GPC6: variants seen among roughly 807,000 people sequenced by gnomAD.
GPC6 encodes glypican-6.
A neutral mutation model predicts 55.2 loss-of-function variants in GPC6; 14 were observed. That is an observed-to-expected ratio of 0.25 (90% CI 0.17 to 0.40). The LOEUF (loss-of-function observed/expected upper bound fraction) is 0.40. Ranked by LOEUF, GPC6 falls within the 10% of genes least tolerant of loss-of-function variation. The pLI is 1.00. For missense variants in GPC6, 641 were observed against 708.5 expected, an observed-to-expected ratio of 0.90 and a Z score of 1.08; for synonymous variants, 278 against 259.6, an observed-to-expected ratio of 1.07 and a Z score of -0.68.
Position 93,726,872 on chromosome 13 carries a change from A to C in GPC6, c.320-103282A>C, listed in dbSNP as rs570883953. On this transcript the variant is annotated intron_variant, in intron 2 of 8. Transcript: ENST00000377047. ...TTGGGCTGATGGCCTCCTCATTAGC[A>C]TGCTCAGTGTAAGGGATGCCCAAAT... Among the ~76,000 whole-genome samples, 333 of 152,222 alleles carry C rather than the reference A, an allele frequency of 2.2e-3. 2 individuals are homozygous for C. The highest frequency in any genetic ancestry group is 7.2e-3 in the African/African-American group (298 of 41,544).
chr13:94,194,178 A>G (rs555217343), intron 4 of GPC6, among the ~76,000 whole-genome samples: 2 of 152,304 alleles, frequency 1.3e-5, no homozygotes, highest in East Asian at 3.9e-4. Flanking sequence ...TCATACATGT[A>G]CATATTTATT....
chr13:94,379,934 C>T (rs756852348), intron 6 of GPC6, among the ~76,000 whole-genome samples: 20 of 152,246 alleles, frequency 1.3e-4, no homozygotes, highest in Non-Finnish European at 2.8e-4. Flanking sequence ...GAGGGCATAG[C>T]GCAGCGCAGA....
intron 1 of GPC6, among the ~76,000 whole-genome samples, chr13:93,509,239 C>G (rs1461683498): frequency 6.6e-6 from 1 of 152,164 alleles, no homozygotes; most frequent in Non-Finnish European, 1.5e-5. Context: ...TTATTGATGG[C>G]CATTTTATCA....
intron 4 of GPC6, chr13:94,187,751 A>G (rs1889253350): frequency 6.6e-6 from 1 of 152,256 alleles, no homozygotes. Context: ...AAATAAGATA[A>G]GAAAACTTTA....
intron 1 of GPC6, among the ~76,000 whole-genome samples, chr13:93,392,170 T>C (rs1467301856): frequency 6.6e-6 from 1 of 152,204 alleles, no homozygotes; most frequent in Non-Finnish European, 1.5e-5. Flanking sequence ...ATTAAGCTGA[T>C]AACTAAATGT....
At chr13:94,154,430 TAAC>T (rs1887855074) in intron 4 of GPC6, 1 of 152,188 alleles carries the variant, frequency 6.6e-6, no homozygotes, top group South Asian at 2.1e-4. Context: ...ACATGGAAGT[TAAC>T]AAGAGCAGTG....
intron 3 of GPC6, among the ~76,000 whole-genome samples, chr13:93,874,475 G>T (rs937236624): frequency 6.6e-6 from 1 of 151,410 alleles, no homozygotes; most frequent in Admixed American, 6.6e-5. Flanking sequence ...TTGATTCCAT[G>T]TCTTTGCTAC....
chr13:94,392,415 A>ATTTTTTTTTT (rs59173357), intron 7 of GPC6, among the ~76,000 whole-genome samples: 2 of 105,670 alleles, frequency 1.9e-5, no homozygotes, highest in Non-Finnish European at 3.8e-5. Context: ...TCTATTTTTA[A>ATTTTTTTTTT]TTTTTTTTTT....
In GPC6 at chr13:93,436,853, G is replaced by T. The variant is rs1333362319; in HGVS notation, c.161-108410G>T. Among the ~76,000 whole-genome samples the T allele has an allele frequency of 5.3e-5, 8 of 152,000 alleles. No homozygotes were observed. In the East Asian group the frequency reaches 1.5e-3, roughly 29 times the overall value. On this transcript the variant is annotated intron_variant, in intron 1 of 8. Coordinates refer to ENST00000377047, the MANE Select transcript of GPC6 (RefSeq NM_005708.5). ...ATACAGGCATACCTCATTTTATTGT[G>T]TTTCCCTTTATTGAGCTTCACAGAT...
chr13:94,245,616 C>A (rs1044928205), intron 4 of GPC6, among the ~76,000 whole-genome samples: 1 of 151,930 alleles, frequency 6.6e-6, no homozygotes. Flanking sequence ...CAATAATTTT[C>A]TTTCTATATC....
chr13:94,006,682 A>G (rs897634970), intron 3 of GPC6, among the ~76,000 whole-genome samples: 1 of 152,140 alleles, frequency 6.6e-6, no homozygotes, highest in Non-Finnish European at 1.5e-5. Flanking sequence ...CAAACCACCT[A>G]GTTTTATTTT....
intron 3 of GPC6, among the ~76,000 whole-genome samples, chr13:93,983,487 G>A (rs1463878572): frequency 6.6e-6 from 1 of 151,732 alleles, no homozygotes; most frequent in Non-Finnish European, 1.5e-5. Context: ...TCAAGCTGGA[G>A]TGCAATGGTG....
intron 4 of GPC6, among the ~76,000 whole-genome samples, chr13:94,213,631 A>G (rs1221058585): frequency 6.6e-6 from 1 of 152,126 alleles, no homozygotes; most frequent in African/African-American, 2.4e-5. Flanking sequence ...CCTCGGTTCC[A>G]TGTGTTTTGT....
intron 2 of GPC6, among the ~76,000 whole-genome samples, chr13:93,711,482 T>C (rs35985789): frequency 0.12 from 18,843 of 151,770 alleles, 1,576 homozygotes; most frequent in Non-Finnish European, 0.18. Flanking sequence ...GAGATTTGTT[T>C]GGGGGCACAG....
At chr13:93,909,033 T>C (rs1876823422) in intron 3 of GPC6, among the ~76,000 whole-genome samples, 1 of 152,216 alleles carries the variant, frequency 6.6e-6, no homozygotes, top group African/African-American at 2.4e-5. Flanking sequence ...ATATATTTAT[T>C]ATCTTTCTGT....
chr13:93,663,159 A>C (rs1279646034), intron 2 of GPC6, among the ~76,000 whole-genome samples: 1 of 152,122 alleles, frequency 6.6e-6, no homozygotes, highest in African/African-American at 2.4e-5. Context: ...ACAGAACAGA[A>C]AGCTAGACAT....
At chr13:93,707,720 T>G (rs982187580) in intron 2 of GPC6, among the ~76,000 whole-genome samples, 26 of 151,800 alleles carry the variant, frequency 1.7e-4, no homozygotes, top group African/African-American at 6.3e-4. Flanking sequence ...TCTTGTGATA[T>G]TTTTAGATTC....
chr13:94,406,081 C>T lies in GPC6; in HGVS notation c.*2864C>T, dbSNP rs1161990191. On this transcript the variant is annotated 3_prime_UTR_variant, in exon 9 of 9. Transcript: ENST00000377047. ...TGTTCCCTAAATTCTGTAATCATAT[C>T]ATAACTTTTGTTATGAATAGAGAGG... The T allele has an allele frequency of 6.6e-6, 1 of 152,052 alleles. No individual in the cohort carries two copies. Among genetic ancestry groups the T allele is most frequent in the African/African-American group, 2.4e-5 (1 of 41,414 alleles). The allele number at this position is 152,052 out of a possible 1,614,324, so 9.4% of individuals were successfully genotyped here.
chr13:94,191,050 T>C (rs574519193), intron 4 of GPC6, among the ~76,000 whole-genome samples: 333 of 152,278 alleles, frequency 2.2e-3, no homozygotes, highest in Middle Eastern at 3.4e-3. Flanking sequence ...AATGTTTTTG[T>C]ACCATTCTTA....
Sources: gnomAD v4.1 joint callset for allele counts (sites outside exome capture counted in the v4.1 genomes callset) on GRCh38, gnomAD v4.1.1 for gene constraint, MANE v1.5 for transcripts, NCBI Gene and HGNC (gene_info 2026-07-23, HGNC 2026-07-21) for gene names.